SYCP1: variants seen among roughly 807,000 people sequenced by gnomAD.
The protein encoded by SYCP1 is synaptonemal complex protein 1.
A neutral mutation model predicts 153.1 loss-of-function variants in SYCP1; 64 were observed. The ratio of observed to expected loss-of-function variants is 0.42; its 90% CI spans 0.34 to 0.51. The LOEUF (loss-of-function observed/expected upper bound fraction) is 0.51, where lower values mean the gene tolerates loss of function less well. Ranked by LOEUF, SYCP1 falls within the 20% of genes least tolerant of loss-of-function variation. SYCP1 has a pLI of 0.06. For missense variants in SYCP1, 997 were observed against 1,049.0 expected, an observed-to-expected ratio of 0.95 and a Z score of 0.68; for synonymous variants, 384 against 341.8, an observed-to-expected ratio of 1.12 and a Z score of -1.36.
chr1:114,991,140 A>G (rs1006521185), intron 30 of SYCP1, among the ~76,000 whole-genome samples: 3 of 151,976 alleles, frequency 2.0e-5, no homozygotes, highest in Admixed American at 6.6e-5. Flanking sequence ...GATTATTATT[A>G]TTGGAAGCTT....
At chr1:114,985,912 G>GAAAA (rs11395393) in intron 30 of SYCP1, among the ~76,000 whole-genome samples, 1 of 121,776 alleles carries the variant, frequency 8.2e-6, no homozygotes. Context: ...CAAAAAATTT[G>GAAAA]AAAAAAAAAA....
intron 20 of SYCP1, among the ~76,000 whole-genome samples, chr1:114,915,295 A>G (rs983559524): frequency 1.6e-4 from 25 of 152,182 alleles, no homozygotes; most frequent in Non-Finnish European, 1.3e-4. Context: ...TTGGTTACCT[A>G]TAAGACAAGT....
chr1:114,930,039 T>G (rs1669523908), intron 23 of SYCP1, among the ~76,000 whole-genome samples: 1 of 152,018 alleles, frequency 6.6e-6, no homozygotes, highest in South Asian at 2.1e-4. Flanking sequence ...AAGTATAAGA[T>G]ATCTGGAAAA....
Position 114,947,421 on chromosome 1 carries a change from A to G in SYCP1, c.2322+101A>G, listed in dbSNP as rs192428107. 1.7e-4 allele frequency: 137 copies of G among 796,672 alleles called. No homozygotes were observed. In the African/African-American group the frequency reaches 2.3e-3, roughly 13 times the overall value. The allele number at this position is 796,672 out of a possible 1,614,324, so 49.4% of individuals were successfully genotyped here. The stretch of plus-strand genomic sequence containing the variant: ...TTATAAAATAATTTGATAAATTTTA[A>G]TAACGGGATGAGAAAATAATTTTCC... On this transcript the variant is annotated intron_variant, in intron 27 of 31. Transcript: ENST00000369522.
intron 20 of SYCP1, among the ~76,000 whole-genome samples, chr1:114,917,532 A>G (rs1668584551): frequency 6.6e-6 from 1 of 151,972 alleles, no homozygotes; most frequent in South Asian, 2.1e-4. Flanking sequence ...GTGATACGGT[A>G]GCTCTATTTT....
intron 20 of SYCP1, among the ~76,000 whole-genome samples, chr1:114,919,608 A>G (rs1408226894): frequency 1.3e-5 from 2 of 152,086 alleles, no homozygotes; most frequent in Non-Finnish European, 2.9e-5. Flanking sequence ...TGAAAAATTC[A>G]GCAGTGAAGC....
At chr1:114,942,930 C>A (rs1256597386) in intron 23 of SYCP1, among the ~76,000 whole-genome samples, 1 of 151,682 alleles carries the variant, frequency 6.6e-6, no homozygotes, top group Non-Finnish European at 1.5e-5. Flanking sequence ...AGGATTAGAA[C>A]CCATTAAATG....
intron 30 of SYCP1, among the ~76,000 whole-genome samples, chr1:114,988,935 AT>A (rs1230084461): frequency 1.3e-5 from 2 of 152,002 alleles, no homozygotes; most frequent in Non-Finnish European, 2.9e-5. Flanking sequence ...TAAACCCAGC[AT>A]TTTGGGAGGC....
intron 21 of SYCP1, among the ~76,000 whole-genome samples, chr1:114,924,495 A>T (rs748018226): frequency 2.0e-5 from 3 of 152,196 alleles, no homozygotes; most frequent in African/African-American, 4.8e-5. Flanking sequence ...CATCTAATCC[A>T]AACTTGAGCT....
rs918985271 is a variant in SYCP1 at position 114,945,053 on chromosome 1, C to T, written c.2154+71C>T. 23 of 1,086,140 alleles carry T rather than the reference C, an allele frequency of 2.1e-5. No individual in the cohort carries two copies. The Admixed American group carries it at 6.4e-4, about 30-fold the overall frequency. 67.3% of individuals were successfully genotyped at this position (1,086,140 alleles called of 1,614,324 possible). A position where few individuals can be genotyped will look rare whatever the true frequency, so the allele number is the denominator to read the frequency against. ...TATTTCTGTTAAATAATGGTGAAAT[C>T]AAGATAGTATTCTTATTTGTCAGAG... is the stretch of plus-strand genomic sequence containing the variant. On this transcript the variant is annotated intron_variant, in intron 25 of 31. Coordinates refer to ENST00000369522, the MANE Select transcript of SYCP1 (RefSeq NM_003176.4).
intron 8 of SYCP1, among the ~76,000 whole-genome samples, chr1:114,868,695 G>T (rs540790267): frequency 1.1e-4 from 17 of 152,276 alleles, no homozygotes; most frequent in African/African-American, 4.1e-4. Flanking sequence ...TTTCTGTTCT[G>T]GAGGGTTATT....
In SYCP1 at chr1:114,914,902, C is replaced by T. The variant is rs114975519; in HGVS notation, c.1718+857C>T. On this transcript the variant is annotated intron_variant, in intron 20 of 31. Transcript: ENST00000369522. ...CAAGAACTAAAGTTGAGCAGTAACC[C>T]GAGTTAAGGCATGAATGCAGACACA... is the stretch of plus-strand genomic sequence containing the variant. Among the ~76,000 whole-genome samples the T allele has an allele frequency of 4.9e-3, 749 of 151,892 alleles. 9 individuals are homozygous for T. The highest frequency in any genetic ancestry group is 0.017 in the African/African-American group (701 of 41,410).
chr1:114,950,971 T>C (rs1671067551), intron 27 of SYCP1, among the ~76,000 whole-genome samples: 1 of 151,934 alleles, frequency 6.6e-6, no homozygotes, highest in Non-Finnish European at 1.5e-5. Flanking sequence ...ACTACAGGTG[T>C]CTGCCACCAC....
At chr1:114,858,137 TA>T (rs1236969588) in intron 5 of SYCP1, among the ~76,000 whole-genome samples, 3 of 152,146 alleles carry the variant, frequency 2.0e-5, no homozygotes, top group African/African-American at 7.2e-5. Context: ...TCTTCACTTT[TA>T]TTTTTCTTGT....
intron 27 of SYCP1, among the ~76,000 whole-genome samples, chr1:114,974,584 C>T (rs963741717): frequency 6.6e-6 from 1 of 151,768 alleles, no homozygotes; most frequent in African/African-American, 2.4e-5. Context: ...TGGAATCATA[C>T]AGTATTTGTG....
intron 29 of SYCP1, 71 bp downstream of exon 29, chr1:114,981,583 T>TGGTG: frequency 1.5e-6 from 2 of 1,366,734 alleles, no homozygotes; most frequent in Non-Finnish European, 2.0e-6. Flanking sequence ...TATCACCATA[T>TGGTG]ATCTGGCATC....
intron 8 of SYCP1, among the ~76,000 whole-genome samples, chr1:114,870,215 G>A (rs7532737): frequency 1.4e-4 from 21 of 151,912 alleles, no homozygotes; most frequent in African/African-American, 4.6e-4. Flanking sequence ...GGTTTGCTAC[G>A]TTGCCTAGGG....
intron 27 of SYCP1, among the ~76,000 whole-genome samples, chr1:114,955,634 C>A (rs1671385189): frequency 6.6e-6 from 1 of 152,172 alleles, no homozygotes. Flanking sequence ...CTCCTCAAAA[C>A]AACAAGAATT....
intron 27 of SYCP1, among the ~76,000 whole-genome samples, chr1:114,949,621 G>A (rs376743026): frequency 4.6e-5 from 7 of 152,158 alleles, no homozygotes; most frequent in South Asian, 2.1e-4. Flanking sequence ...TGATTACTAT[G>A]TCTGTGGTCT....
Sources: gnomAD v4.1 joint callset for allele counts (sites outside exome capture counted in the v4.1 genomes callset) on GRCh38, gnomAD v4.1.1 for gene constraint, MANE v1.5 for transcripts, NCBI Gene and HGNC (gene_info 2026-07-23, HGNC 2026-07-21) for gene names.